Variants in RIMS3 observed in about 807,000 individuals in gnomAD.
RIMS3 encodes the protein regulating synaptic membrane exocytosis 3, also known as regulating synaptic membrane exocytosis protein 3.
RIMS3 carries 15 observed loss-of-function variants against 29.2 expected under a neutral mutation model. The ratio of observed to expected loss-of-function variants is 0.51; its 90% CI spans 0.34 to 0.79. The LOEUF (loss-of-function observed/expected upper bound fraction) is 0.79. Among genes scored for constraint, RIMS3 ranks in the 30% least tolerant of loss-of-function variants. The pLI is 0.01. For synonymous variants in RIMS3, 161 were observed against 170.1 expected (o/e 0.95, Z 0.41); for missense variants, 342 against 421.4 (o/e 0.81, Z 1.65).
At chr1:40,639,286 A>G (rs1646540869) in intron 3 of RIMS3, among the ~76,000 whole-genome samples, 1 of 152,236 alleles carries the variant, frequency 6.6e-6, no homozygotes, top group Non-Finnish European at 1.5e-5. Flanking sequence ...GCCAATGCCC[A>G]TGAGTCTGCC....
chr1:40,691,577 A>C, the RIMS3 span: 1 of 332,420 alleles, frequency 3.0e-6, no homozygotes, highest in Non-Finnish European at 6.1e-6. Context: ...CTCAGATCTC[A>C]TTCCGCCTCC....
chr1:40,691,067 AAG>A, the RIMS3 span: 2 of 152,262 alleles, frequency 1.3e-5, no homozygotes, highest in Admixed American at 6.5e-5. Flanking sequence ...ACGGAAATGA[AAG>A]AGATAAGTAT....
Position 40,626,340 on chromosome 1 carries a change from ACG to A in RIMS3, c.*175_*176del, listed in dbSNP as rs563999071. 6.1e-6 allele frequency: 4 copies of A among 658,224 alleles called. No homozygotes were observed. Among genetic ancestry groups the A allele is most frequent in the Non-Finnish European group, 8.2e-6 (3 of 365,086 alleles). The allele number at this position is 658,224 out of a possible 1,614,324, so 40.8% of individuals were successfully genotyped here. Reference sequence around the variant, plus strand: ...CGTGGTCACGTACACACACACACACACGCACGCACACACGCACACACTACAGT... The same window carrying A: ...CGTGGTCACGTACACACACACACACACACGCACACACGCACACACTACAGT... On this transcript the variant is annotated 3_prime_UTR_variant, in exon 8 of 8. Coordinates refer to ENST00000372684, the MANE Select transcript of RIMS3 (RefSeq NM_014747.3).
At chr1:40,629,435 T>C in intron 5 of RIMS3, 63 bp from the exon 6 acceptor site, 5 of 1,314,922 alleles carry the variant, frequency 3.8e-6, no homozygotes, top group Non-Finnish European at 5.5e-6. Context: ...AGCCAGCTGC[T>C]GTACTGAATG....
At chr1:40,680,808 C>A in the RIMS3 span, among the ~76,000 whole-genome samples, 1 of 152,128 alleles carries the variant, frequency 6.6e-6, no homozygotes. Flanking sequence ...ATTTCATGAT[C>A]TATTAATTAT....
At position 40,623,868 on chromosome 1, in the gene RIMS3, T is replaced by G; in HGVS notation, c.*2649A>C. On this transcript the variant is annotated 3_prime_UTR_variant, in exon 8 of 8. Coordinates refer to ENST00000372684, the MANE Select transcript of RIMS3 (RefSeq NM_014747.3). ...TCAGCCTCACACAACTTTACCCTCA[T>G]GGGGTAAAATCCAGGTGGGGATGAG... 1 of 240,192 alleles carries G rather than the reference T, an allele frequency of 4.2e-6. No individual in the cohort carries two copies. Among genetic ancestry groups the G allele is most frequent in the Non-Finnish European group, 8.0e-6 (1 of 125,248 alleles). 14.9% of individuals were successfully genotyped at this position (240,192 alleles called of 1,614,324 possible). A position where few individuals can be genotyped will look rare whatever the true frequency, so the allele number is the denominator to read the frequency against.
In RIMS3 at chr1:40,656,509, C is replaced by A. The variant is rs551689207; in HGVS notation, c.-206-8667G>T. On this transcript the variant is annotated intron_variant, in intron 1 of 7. Transcript: ENST00000372684. ...TGTTAAAGACACATTAGAGGCCGGG[C>A]GCGGTGGCTCACGCCTGTAATCCTA... Among the ~76,000 whole-genome samples the A allele has an allele frequency of 8.8e-4, 134 of 152,082 alleles. 1 individual carries two copies. The highest frequency in any genetic ancestry group is 1.7e-3 in the Non-Finnish European group (118 of 68,018).
chr1:40,689,047 T>C, the RIMS3 span, among the ~76,000 whole-genome samples: 1 of 152,230 alleles, frequency 6.6e-6, no homozygotes, highest in Admixed American at 6.5e-5. Flanking sequence ...AGCTAGCATG[T>C]TATGCTGCAG....
chr1:40,667,557 AT>A (rs1388595473), upstream of RIMS3, among the ~76,000 whole-genome samples: 1 of 152,214 alleles, frequency 6.6e-6, no homozygotes, highest in Admixed American at 6.5e-5. Flanking sequence ...TAATTTCAGT[AT>A]CTTCAAAGTT....
In RIMS3 at chr1:40,626,258, A is replaced by G; in HGVS notation, c.*259T>C. On this transcript the variant is annotated 3_prime_UTR_variant, in exon 8 of 8. Coordinates refer to ENST00000372684, the MANE Select transcript of RIMS3 (RefSeq NM_014747.3). ...ACAAGACACAAAGAGACGTGGAGAC[A>G]TTTCAGCCCATATCATCACCAGGAG... is the stretch of plus-strand genomic sequence containing the variant. 1.8e-6 allele frequency: 1 copy of G among 550,444 alleles called. No individual in the cohort carries two copies. Among genetic ancestry groups the G allele is most frequent in the Non-Finnish European group, 3.3e-6 (1 of 304,346 alleles). 34.1% of individuals were successfully genotyped at this position (550,444 alleles called of 1,614,324 possible). A position where few individuals can be genotyped will look rare whatever the true frequency, so the allele number is the denominator to read the frequency against.
chr1:40,639,672 G>A (rs867415249), intron 3 of RIMS3, among the ~76,000 whole-genome samples: 8 of 152,226 alleles, frequency 5.3e-5, no homozygotes, highest in Middle Eastern at 3.4e-3. Flanking sequence ...TTAGTCACCC[G>A]GCTAGTAAAT....
At chr1:40,691,376 C>T in the RIMS3 span, 3 of 197,832 alleles carry the variant, frequency 1.5e-5, no homozygotes, top group Admixed American at 6.4e-5. Flanking sequence ...ACACACGCCC[C>T]TACTTAGTTC....
the RIMS3 span, among the ~76,000 whole-genome samples, chr1:40,675,583 C>T: frequency 6.6e-6 from 1 of 151,884 alleles, no homozygotes; most frequent in African/African-American, 2.4e-5. Flanking sequence ...CATGGTGAAA[C>T]CCTGTCTCTA....
At chr1:40,648,852 T>G (rs1274845780) in intron 1 of RIMS3, among the ~76,000 whole-genome samples, 2 of 152,178 alleles carry the variant, frequency 1.3e-5, no homozygotes, top group Non-Finnish European at 2.9e-5. Context: ...TCCTGACCCC[T>G]TGCTGGATGC....
At chr1:40,639,226 T>G (rs1275950843) in intron 3 of RIMS3, among the ~76,000 whole-genome samples, 1 of 152,182 alleles carries the variant, frequency 6.6e-6, no homozygotes, top group Non-Finnish European at 1.5e-5. Context: ...CCATCTCATC[T>G]GTCAGGAGTG....
rs141827837 is a variant in RIMS3 at position 40,656,532 on chromosome 1, C to T, written c.-206-8690G>A. 7.2e-3 allele frequency among the ~76,000 whole-genome samples: 1,095 copies of T among 152,232 alleles called. 17 individuals are homozygous for T. Among genetic ancestry groups the T allele is most frequent in the African/African-American group, 0.025 (1,045 of 41,524 alleles). On this transcript the variant is annotated intron_variant, in intron 1 of 7. Transcript: ENST00000372684. Reference sequence around the variant, plus strand: ...GGCGCGGTGGCTCACGCCTGTAATCCTAGCACTTTGGGAGGCCAAGGCAGG... The same window carrying T: ...GGCGCGGTGGCTCACGCCTGTAATCTTAGCACTTTGGGAGGCCAAGGCAGG...
At chr1:40,670,574 T>TTATTTATATA (rs1553146614), upstream of RIMS3, among the ~76,000 whole-genome samples, 1 of 71,190 alleles carries the variant, frequency 1.4e-5, no homozygotes, top group African/African-American at 6.9e-5. Flanking sequence ...AGTTATAATT[T>TTATTTATATA]TATATATATA....
intron 7 of RIMS3, among the ~76,000 whole-genome samples, chr1:40,628,343 A>T (rs1646468076): frequency 6.6e-6 from 1 of 152,218 alleles, no homozygotes; most frequent in Non-Finnish European, 1.5e-5. Context: ...TGTTGCTCTC[A>T]AGTAATTGGG....
In RIMS3 at chr1:40,621,936, T is replaced by C. The variant is rs1405096086; in HGVS notation, c.*4581A>G. The C allele has an allele frequency of 1.3e-5, 2 of 152,598 alleles. No homozygotes were observed. The highest frequency in any genetic ancestry group is 2.9e-5 in the Non-Finnish European group (2 of 68,066). The allele number at this position is 152,598 out of a possible 1,614,324, so 9.5% of individuals were successfully genotyped here. The stretch of plus-strand genomic sequence containing the variant: ...GGGTTTCCCAAAGCAGAAACACTCA[T>C]GCTTTTCAACAAGCACCTGCCCCAA... On this transcript the variant is annotated 3_prime_UTR_variant, in exon 8 of 8. Coordinates refer to ENST00000372684, the MANE Select transcript of RIMS3 (RefSeq NM_014747.3).
Sources: gnomAD v4.1 joint callset for allele counts (sites outside exome capture counted in the v4.1 genomes callset) on GRCh38, gnomAD v4.1.1 for gene constraint, MANE v1.5 for transcripts, NCBI Gene and HGNC (gene_info 2026-07-23, HGNC 2026-07-21) for gene names.